Variants in THSD4 observed in about 807,000 individuals in gnomAD.
THSD4 encodes the protein thrombospondin type 1 domain containing 4, also known as thrombospondin type-1 domain-containing protein 4.
In THSD4, 69 loss-of-function variants were observed where a neutral mutation model predicts 119.0. The observed-to-expected ratio is 0.58, with a 90% confidence interval of 0.48 to 0.71. The LOEUF (loss-of-function observed/expected upper bound fraction) is 0.71, where lower values mean the gene tolerates loss of function less well. Ranked by LOEUF, THSD4 falls within the 30% of genes least tolerant of loss-of-function variation. THSD4 has a pLI of 0.00. For missense variants in THSD4, 1,393 were observed against 1,391.1 expected, an observed-to-expected ratio of 1.00 and a Z score of -0.02; for synonymous variants, 524 against 540.4, an observed-to-expected ratio of 0.97 and a Z score of 0.42.
chr15:71,223,399 GC>G (rs2043990549), intron 4 of THSD4, among the ~76,000 whole-genome samples: 1 of 152,150 alleles, frequency 6.6e-6, no homozygotes, highest in African/African-American at 2.4e-5. Context: ...TTATCCCAAA[GC>G]TTTTAGTGTT....
intron 7 of THSD4, among the ~76,000 whole-genome samples, chr15:71,566,910 T>TC (rs2049251979): frequency 6.6e-6 from 1 of 152,112 alleles, no homozygotes; most frequent in Non-Finnish European, 1.5e-5. Flanking sequence ...CATTTTTTTT[T>TC]TTCCCTAAAC....
rs1467116012 is a variant in THSD4 at position 71,172,622 on chromosome 15, T to C, written c.99+17690T>C. On this transcript the variant is annotated intron_variant, in intron 3 of 17. Transcript: ENST00000261862. ...CTCCAGTAATCAAGATAGCATGTTA[T>C]TGGTGTAAAGATAGGCAAATAGATA... is the stretch of plus-strand genomic sequence containing the variant. 6.3e-5 allele frequency among the ~76,000 whole-genome samples: 7 copies of C among 111,792 alleles called. No homozygotes were observed. The Admixed American group carries it at 7.5e-4, about 12-fold the overall frequency. 73.3% of individuals were successfully genotyped at this position (111,792 alleles called of 152,430 possible). A position where few individuals can be genotyped will look rare whatever the true frequency, so the allele number is the denominator to read the frequency against.
At chr15:71,670,546 G>C (rs921166498) in intron 8 of THSD4, among the ~76,000 whole-genome samples, 1 of 150,926 alleles carries the variant, frequency 6.6e-6, no homozygotes, top group South Asian at 2.1e-4. Flanking sequence ...TGTGCACAAC[G>C]TGCAGGTTTG....
chr15:71,327,167 AAAAAC>A (rs1488676297), intron 6 of THSD4, among the ~76,000 whole-genome samples: 1 of 152,266 alleles, frequency 6.6e-6, no homozygotes, highest in Admixed American at 6.5e-5. Flanking sequence ...ACTCCATCTG[AAAAAC>A]AAAACAAAAA....
intron 6 of THSD4, among the ~76,000 whole-genome samples, chr15:71,359,003 A>T (rs1271730782): frequency 6.6e-6 from 1 of 152,238 alleles, no homozygotes; most frequent in Non-Finnish European, 1.5e-5. Flanking sequence ...GATTCATTTT[A>T]CCATAGCAAA....
At chr15:71,765,813 T>C (rs2053708088) in intron 16 of THSD4, among the ~76,000 whole-genome samples, 1 of 152,028 alleles carries the variant, frequency 6.6e-6, no homozygotes, top group South Asian at 2.1e-4. Context: ...TGTGTGTGTG[T>C]GTGTGTGTAC....
chr15:71,748,618 G>A (rs780033543), intron 14 of THSD4, 24 bp downstream of exon 14: 49 of 1,612,042 alleles, frequency 3.0e-5, no homozygotes, highest in South Asian at 5.5e-5. Flanking sequence ...CGGGCAGAGC[G>A]CCGGGGACCG....
intron 7 of THSD4, among the ~76,000 whole-genome samples, chr15:71,576,611 T>C (rs1005090344): frequency 6.6e-6 from 1 of 152,240 alleles, no homozygotes; most frequent in Non-Finnish European, 1.5e-5. Context: ...TATGAAATTA[T>C]GTCAGTTTGA....
At chr15:71,098,911 C>G (rs1358723509) in intron 1 of THSD4, among the ~76,000 whole-genome samples, 3 of 152,154 alleles carry the variant, frequency 2.0e-5, no homozygotes, top group Non-Finnish European at 4.4e-5. Flanking sequence ...AAATCAGACA[C>G]CTGCAAGCCT....
At chr15:71,730,501 C>T (rs2052955827) in intron 9 of THSD4, 1 of 152,746 alleles carries the variant, frequency 6.5e-6, no homozygotes, top group East Asian at 1.9e-4. Context: ...ACGTAGATTC[C>T]TGCTTGCCAT....
chr15:71,277,161 T>C (rs2044602605), intron 6 of THSD4, among the ~76,000 whole-genome samples: 1 of 121,060 alleles, frequency 8.3e-6, no homozygotes, highest in Non-Finnish European at 1.6e-5. Flanking sequence ...GTTTCACTCT[T>C]GTCACCCAGG....
At chr15:71,586,572 T>C (rs1337047010) in intron 7 of THSD4, among the ~76,000 whole-genome samples, 2 of 152,104 alleles carry the variant, frequency 1.3e-5, no homozygotes, top group Non-Finnish European at 2.9e-5. Flanking sequence ...TTGTCTTCAA[T>C]CAGAAACAGC....
intron 7 of THSD4, among the ~76,000 whole-genome samples, chr15:71,596,981 G>A (rs11631291): frequency 0.22 from 33,249 of 152,212 alleles, 4,335 homozygotes; most frequent in Non-Finnish European, 0.29. Context: ...AGGGCTGGGT[G>A]AGGCAAAGGG....
intron 7 of THSD4, among the ~76,000 whole-genome samples, chr15:71,546,977 C>G (rs912606352): frequency 6.6e-6 from 1 of 152,188 alleles, no homozygotes; most frequent in African/African-American, 2.4e-5. Flanking sequence ...GTTCCCAGCC[C>G]GGAGCTCATC....
chr15:71,646,923 G>A (rs1358568630), intron 7 of THSD4, among the ~76,000 whole-genome samples: 3 of 152,178 alleles, frequency 2.0e-5, no homozygotes, highest in African/African-American at 7.2e-5. Context: ...TTTAAGTGAT[G>A]GCTGACATCA....
At chr15:71,731,364 A>G (rs2052976942) in intron 10 of THSD4, 147 bp downstream of exon 10, 2 of 718,430 alleles carry the variant, frequency 2.8e-6, no homozygotes, top group African/African-American at 3.5e-5. Flanking sequence ...GGGCCTTGAC[A>G]TTGGAGCAGG....
At chr15:71,463,620 T>A (rs541662659) in intron 7 of THSD4, among the ~76,000 whole-genome samples, 1 of 152,302 alleles carries the variant, frequency 6.6e-6, no homozygotes, top group South Asian at 2.1e-4. Flanking sequence ...CTCTGCTCAA[T>A]TTTCCTAACC....
At chr15:71,166,747 GT>G (rs924638047) in intron 3 of THSD4, among the ~76,000 whole-genome samples, 1 of 152,050 alleles carries the variant, frequency 6.6e-6, no homozygotes, top group Non-Finnish European at 1.5e-5. Context: ...TTTATTTATT[GT>G]TTTGGTACCT....
At chr15:71,688,687 T>G (rs1235062887) in intron 8 of THSD4, among the ~76,000 whole-genome samples, 3 of 98,052 alleles carry the variant, frequency 3.1e-5, no homozygotes, top group East Asian at 2.9e-4. Flanking sequence ...GTTGTTGAGG[T>G]TTTTTTTTGT....
Sources: allele counts gnomAD v4.1 joint callset (sites outside exome capture counted in the v4.1 genomes callset), GRCh38; gene constraint gnomAD v4.1.1; transcripts MANE v1.5; gene names NCBI Gene and HGNC (gene_info 2026-07-23, HGNC 2026-07-21).